Variants in SGIP1 observed in about 807,000 individuals in gnomAD.
The protein encoded by SGIP1 is SH3-containing GRB2-like protein 3-interacting protein 1.
In SGIP1, 38 loss-of-function variants were observed where a neutral mutation model predicts 107.5. That is an observed-to-expected ratio of 0.35 (90% confidence interval 0.27 to 0.46). The LOEUF is 0.46. Ranked by LOEUF, SGIP1 falls within the 20% of genes least tolerant of loss-of-function variation. SGIP1 has a pLI of 1.00. For missense variants in SGIP1, 929 were observed against 1,019.5 expected (o/e 0.91, Z 1.21); for synonymous variants, 365 against 366.1 (o/e 1.00, Z 0.03).
intron 2 of SGIP1, among the ~76,000 whole-genome samples, chr1:66,630,907 G>GAAAGAAA (rs1558134713): frequency 2.1e-4 from 13 of 60,770 alleles, no homozygotes; most frequent in Non-Finnish European, 3.2e-4. Flanking sequence ...AAGAAAGAAG[G>GAAAGAAA]GAGGGAGGGA....
intron 1 of SGIP1, among the ~76,000 whole-genome samples, chr1:66,563,589 T>A (rs150127107): frequency 1.3e-5 from 2 of 152,084 alleles, no homozygotes; most frequent in East Asian, 3.9e-4. Flanking sequence ...TGATTTAGAG[T>A]TCTCCAGCAG....
At chr1:66,637,823 G>A (rs780312839) in intron 4 of SGIP1, among the ~76,000 whole-genome samples, 60 of 148,382 alleles carry the variant, frequency 4.0e-4, no homozygotes, top group Admixed American at 1.9e-3. Flanking sequence ...ATGTATATAT[G>A]TGTGTACATA....
At chr1:66,672,244 C>T (rs1186291761) in intron 11 of SGIP1, among the ~76,000 whole-genome samples, 1 of 152,158 alleles carries the variant, frequency 6.6e-6, no homozygotes, top group East Asian at 1.9e-4. Context: ...CAGGCCCCTT[C>T]CTGATGGGAC....
At position 66,660,524 on chromosome 1, in the gene SGIP1, G is replaced by T. The variant is rs757052098; in HGVS notation, c.471G>T (p.Pro157=). ...GCCTACGCTTTTAGAGGAAAAGTCCGGTAAGAAATAAGTCCTTCCCGCTTT... is the reference window on the plus strand; with the variant it reads ...GCCTACGCTTTTAGAGGAAAAGTCCTGTAAGAAATAAGTCCTTCCCGCTTT... ...ALSPSPVRKS[P]RRSPGAIKRN... Residue 157 remains proline, a splice_region_variant and synonymous_variant, in exon 8 of 25, where the codon CCG becomes CCT. Coordinates refer to ENST00000371037, the MANE Select transcript of SGIP1 (RefSeq NM_032291.4). 6.2e-7 allele frequency: 1 copy of T among 1,610,214 alleles called. No individual in the cohort carries two copies. The highest frequency in any genetic ancestry group is 1.1e-5 in the South Asian group (1 of 90,982).
chr1:66,541,055 T>A (rs2054811360), intron 1 of SGIP1, among the ~76,000 whole-genome samples: 1 of 152,232 alleles, frequency 6.6e-6, no homozygotes, highest in African/African-American at 2.4e-5. Context: ...TATCTACCTT[T>A]TATTAGTTTA....
chr1:66,562,799 G>C (rs1446782354), intron 1 of SGIP1, among the ~76,000 whole-genome samples: 1 of 152,056 alleles, frequency 6.6e-6, no homozygotes, highest in Non-Finnish European at 1.5e-5. Flanking sequence ...AGGGGACACG[G>C]GAAGGAGGAG....
chr1:66,559,881 G>C (rs772143039), intron 1 of SGIP1, among the ~76,000 whole-genome samples: 3 of 152,048 alleles, frequency 2.0e-5, no homozygotes, highest in Admixed American at 1.3e-4. Flanking sequence ...GAGCCAGGGA[G>C]GAGGGGGTCA....
intron 1 of SGIP1, among the ~76,000 whole-genome samples, chr1:66,568,787 T>C (rs2059998260): frequency 6.6e-6 from 1 of 152,008 alleles, no homozygotes; most frequent in African/African-American, 2.4e-5. Context: ...TCTCAATAGA[T>C]GCAGAAAAGG....
intron 5 of SGIP1, 71 bp from the exon 6 acceptor site, chr1:66,642,739 C>T (rs1242814195): frequency 1.7e-5 from 22 of 1,320,678 alleles, no homozygotes; most frequent in South Asian, 3.4e-5. Flanking sequence ...AAATAGAAGA[C>T]TCTAGAAAAA....
chr1:66,637,440 C>CGT (rs751840778), intron 4 of SGIP1, among the ~76,000 whole-genome samples: 1 of 112,398 alleles, frequency 8.9e-6, no homozygotes, highest in Non-Finnish European at 1.8e-5. Context: ...CTAATAAAGC[C>CGT]GTGTGTGTGT....
Position 66,682,328 on chromosome 1 carries a change from C to G in SGIP1, c.1274C>G (p.Ser425Cys). ...CCCACCTACAGGACTGTGGTTTCGT[C>G]CCCCGGACCTGGCTCGGGCCCTGGT... ...PPPTYRTVVS[S>C]PGPGSGPGPG... The change falls in exon 15 of 25, where the codon TCC becomes TGC. Residue 425 changes from serine (S) to cysteine (C), a missense_variant. Transcript: ENST00000371037. The G allele has an allele frequency of 1.2e-6, 2 of 1,614,062 alleles. No homozygotes were observed. The highest frequency in any genetic ancestry group is 1.7e-5 in the Admixed American group (1 of 60,008).
At position 66,558,433 on chromosome 1, in the gene SGIP1, C is replaced by T. The variant is rs150495427; in HGVS notation, c.10+24065C>T. Among the ~76,000 whole-genome samples, 526 of 152,010 alleles carry T rather than the reference C, an allele frequency of 3.5e-3. 3 individuals carry two copies. The highest frequency in any genetic ancestry group is 0.01 in the Middle Eastern group (3 of 294). On this transcript the variant is annotated intron_variant, in intron 1 of 24. Transcript: ENST00000371037. ...ATCTGAAGACTAAGCTAACCCACAA[C>T]GGCCCATCTAGCACAGTGAGTATAT...
intron 17 of SGIP1, among the ~76,000 whole-genome samples, chr1:66,693,228 G>A (rs1325525953): frequency 1.4e-5 from 2 of 141,950 alleles, no homozygotes; most frequent in East Asian, 4.0e-4. Flanking sequence ...GGGCAACATA[G>A]CAAGATTCTC....
At position 66,722,308 on chromosome 1, in the gene SGIP1, A is replaced by C. The variant is rs371613835; in HGVS notation, c.1742+2903A>C. Reference sequence around the variant, plus strand: ...TTTGTCCATCCTATATAAAATAACAACACCGCTCCCCACCCCGTCAACATT... The same window carrying C: ...TTTGTCCATCCTATATAAAATAACACCACCGCTCCCCACCCCGTCAACATT... On this transcript the variant is annotated intron_variant, in intron 19 of 24. Coordinates refer to ENST00000371037, the MANE Select transcript of SGIP1 (RefSeq NM_032291.4). Among the ~76,000 whole-genome samples the C allele has an allele frequency of 3.3e-5, 5 of 152,234 alleles. No individual in the cohort carries two copies. The East Asian group carries it at 5.8e-4, about 18-fold the overall frequency.
chr1:66,715,555 G>A (rs1244236227), intron 18 of SGIP1, among the ~76,000 whole-genome samples: 1 of 152,084 alleles, frequency 6.6e-6, no homozygotes, highest in African/African-American at 2.4e-5. Context: ...ACTGAACAGT[G>A]TGGTCTCTGA....
chr1:66,573,158 G>A (rs1358264220), intron 1 of SGIP1, among the ~76,000 whole-genome samples: 2 of 152,004 alleles, frequency 1.3e-5, no homozygotes, highest in Non-Finnish European at 2.9e-5. Flanking sequence ...ACAAGTCTGT[G>A]AATATACTAA....
intron 1 of SGIP1, among the ~76,000 whole-genome samples, chr1:66,586,164 T>A (rs895394900): frequency 2.6e-5 from 4 of 152,218 alleles, no homozygotes; most frequent in Non-Finnish European, 5.9e-5. Flanking sequence ...TAGTCCTTTT[T>A]TCCCATGATC....
chr1:66,559,814 G>A (rs1170486365), intron 1 of SGIP1, among the ~76,000 whole-genome samples: 1 of 152,068 alleles, frequency 6.6e-6, no homozygotes, highest in Non-Finnish European at 1.5e-5. Context: ...TTTAGCCGGG[G>A]GGGTGGATGA....
At chr1:66,581,886 T>A (rs2061874724) in intron 1 of SGIP1, among the ~76,000 whole-genome samples, 1 of 152,128 alleles carries the variant, frequency 6.6e-6, no homozygotes, top group South Asian at 2.1e-4. Context: ...AATTAGGATT[T>A]GCTTCACAAA....
Sources: allele counts gnomAD v4.1 joint callset (sites outside exome capture counted in the v4.1 genomes callset), GRCh38; gene constraint gnomAD v4.1.1; transcripts MANE v1.5; gene names NCBI Gene and HGNC (gene_info 2026-07-23, HGNC 2026-07-21).